SLC36A1: variants seen among roughly 807,000 people sequenced by gnomAD.
The protein encoded by SLC36A1 is solute carrier family 36 member 1.
SLC36A1 carries 30 observed loss-of-function variants against 47.5 expected under a neutral mutation model. The observed-to-expected ratio is 0.63, with a 90% CI of 0.47 to 0.86. The LOEUF (loss-of-function observed/expected upper bound fraction) is 0.86. Ranked by LOEUF, SLC36A1 falls within the 40% of genes least tolerant of loss-of-function variation. The probability of loss-of-function intolerance (pLI) is 0.00; values close to 1 mark genes in which losing one functional copy is unlikely to be tolerated. For synonymous variants in SLC36A1, 255 were observed against 249.7 expected, an observed-to-expected ratio of 1.02 and a Z score of -0.20; for missense variants, 517 against 606.0, an observed-to-expected ratio of 0.85 and a Z score of 1.54.
At chr5:151,430,346 T>TTTTTTTTTG in the SLC36A1 span, among the ~76,000 whole-genome samples, 1 of 148,438 alleles carries the variant, frequency 6.7e-6, no homozygotes, top group African/African-American at 2.5e-5. Context: ...TTTTTTTTTT[T>TTTTTTTTTG]GAGACTGAGC....
chr5:151,473,884 G>GCGTGAGCCAC, intron 8 of SLC36A1, 113 bp downstream of exon 8: 1 of 865,920 alleles, frequency 1.2e-6, no homozygotes. Flanking sequence ...CTGAGGCCAG[G>GCGTGAGCCAC]CATGGTGGCT....
At chr5:151,436,547 G>A (rs1277947521), upstream of SLC36A1, among the ~76,000 whole-genome samples, 1 of 151,786 alleles carries the variant, frequency 6.6e-6, no homozygotes, top group Non-Finnish European at 1.5e-5. Flanking sequence ...TAGGGTCTAT[G>A]TGAGTGGTCA....
chr5:151,399,245 C>T, the SLC36A1 span, among the ~76,000 whole-genome samples: 4 of 151,770 alleles, frequency 2.6e-5, no homozygotes, highest in Non-Finnish European at 2.9e-5. Context: ...TACCACCACA[C>T]CTGGCGAATT....
At chr5:151,439,098 C>A (rs1305147941) in intron 1 of SLC36A1, among the ~76,000 whole-genome samples, 2 of 148,312 alleles carry the variant, frequency 1.3e-5, no homozygotes, top group Non-Finnish European at 3.0e-5. Flanking sequence ...GGGAAGCAGG[C>A]ACGTCTTACA....
At chr5:151,555,179 A>G in the SLC36A1 span, among the ~76,000 whole-genome samples, 4 of 152,302 alleles carry the variant, frequency 2.6e-5, no homozygotes, top group African/African-American at 9.6e-5. Context: ...GCAGAGGCAA[A>G]TAATCACATG....
At chr5:151,417,046 A>G in the SLC36A1 span, among the ~76,000 whole-genome samples, 1 of 152,142 alleles carries the variant, frequency 6.6e-6, no homozygotes, top group African/African-American at 2.4e-5. Context: ...GGCCTCCCCA[A>G]CCATGCTGAA....
Position 151,488,060 on chromosome 5 carries a change from C to G in SLC36A1, c.1237C>G (p.Leu413Val), listed in dbSNP as rs762767916. 1.2e-6 allele frequency: 2 copies of G among 1,614,154 alleles called. No individual in the cohort carries two copies. Among genetic ancestry groups the G allele is most frequent in the Admixed American group, 1.7e-5 (1 of 60,026 alleles). The change falls in exon 11 of 11, where the codon CTC becomes GTC. Residue 413 changes from leucine (L) to valine (V), a missense_variant. Physicochemically the swap from Leu to Val is conservative, Grantham distance 32 (BLOSUM62 1). Coordinates refer to ENST00000243389, the MANE Select transcript of SLC36A1 (RefSeq NM_078483.4). ...VGSVSSSALA[L>V]IIPPLLEVTT... ...CTCCGTGAGCAGCAGCGCCCTGGCCCTCATCATCCCACCGCTCCTGGAGGT... is the reference window on the plus strand; with the variant it reads ...CTCCGTGAGCAGCAGCGCCCTGGCCGTCATCATCCCACCGCTCCTGGAGGT...
At chr5:151,357,420 G>C in the SLC36A1 span, among the ~76,000 whole-genome samples, 1 of 152,236 alleles carries the variant, frequency 6.6e-6, no homozygotes, top group Non-Finnish European at 1.5e-5. Flanking sequence ...TGTTTTTGGA[G>C]AGTAGGAGAT....
At chr5:151,472,925 T>G (rs1346357766) in intron 7 of SLC36A1, among the ~76,000 whole-genome samples, 1 of 152,194 alleles carries the variant, frequency 6.6e-6, no homozygotes, top group Admixed American at 6.5e-5. Context: ...CCCAGCACCT[T>G]GGGAGGCCGA....
the SLC36A1 span, among the ~76,000 whole-genome samples, chr5:151,533,807 G>GGTAT: frequency 2.6e-5 from 4 of 151,632 alleles, no homozygotes; most frequent in Non-Finnish European, 5.9e-5. Context: ...TATACATGCA[G>GGTAT]GTATGTATAT....
chr5:151,419,337 C>T, the SLC36A1 span, among the ~76,000 whole-genome samples: 7 of 152,152 alleles, frequency 4.6e-5, no homozygotes, highest in Middle Eastern at 3.2e-3. Flanking sequence ...CCTGATTTCC[C>T]CATCTGTACT....
intron 1 of SLC36A1, among the ~76,000 whole-genome samples, chr5:151,456,625 C>T (rs1167195937): frequency 6.6e-6 from 1 of 152,168 alleles, no homozygotes; most frequent in African/African-American, 2.4e-5. Flanking sequence ...TCCTCTAGCT[C>T]ATGAGTAAAT....
At chr5:151,492,699 T>C (rs1760215440), downstream of SLC36A1, among the ~76,000 whole-genome samples, 1 of 152,260 alleles carries the variant, frequency 6.6e-6, no homozygotes, top group Admixed American at 6.5e-5. Flanking sequence ...TGTCAACTTA[T>C]AATTCAGTCA....
intron 1 of SLC36A1, among the ~76,000 whole-genome samples, chr5:151,455,834 C>T (rs1429397185): frequency 6.6e-6 from 1 of 152,182 alleles, no homozygotes; most frequent in Non-Finnish European, 1.5e-5. Flanking sequence ...TACAAAGTGA[C>T]TTGACAGGAA....
chr5:151,461,831 T>G (rs1170724705), intron 2 of SLC36A1, among the ~76,000 whole-genome samples: 2 of 152,242 alleles, frequency 1.3e-5, no homozygotes, highest in African/African-American at 4.8e-5. Flanking sequence ...CCCTTCAGTA[T>G]AGGTCTTTAA....
chr5:151,513,697 A>G, the SLC36A1 span, among the ~76,000 whole-genome samples: 1 of 152,200 alleles, frequency 6.6e-6, no homozygotes, highest in East Asian at 1.9e-4. Flanking sequence ...CCTATGATAC[A>G]TCGGTTACCC....
the SLC36A1 span, chr5:151,380,515 CGTGTGTTGGAAAGACA>C: frequency 3.7e-4 from 184 of 502,772 alleles, 1 homozygote; most frequent in East Asian, 9.7e-3. Flanking sequence ...TGCGGCAGTT[CGTGTGTTGGAAAGACA>C]GTGGGTGATC....
chr5:151,512,020 G>T, the SLC36A1 span: 1 of 697,482 alleles, frequency 1.4e-6, no homozygotes, highest in Non-Finnish European at 2.4e-6. This position sits in a 1 kb window ranked among gnomAD's most constrained non-coding sequence, Gnocchi z 4.1. Flanking sequence ...AGATATTGCA[G>T]ATTCCAACCT....
chr5:151,419,299 C>T, the SLC36A1 span, among the ~76,000 whole-genome samples: 1 of 152,188 alleles, frequency 6.6e-6, no homozygotes, highest in Non-Finnish European at 1.5e-5. Context: ...CTGTGTACCC[C>T]TGGGAAGGTT....
Sources: allele counts gnomAD v4.1 joint callset (sites outside exome capture counted in the v4.1 genomes callset), GRCh38; gene constraint gnomAD v4.1.1; non-coding constraint Gnocchi (gnomAD v3.1); transcripts MANE v1.5; gene names NCBI Gene and HGNC (gene_info 2026-07-23, HGNC 2026-07-21).